The following STX2 variants were observed in gnomAD, a reference collection of about 807,000 sequenced individuals.
STX2 encodes the protein syntaxin 2.
In STX2, 27 loss-of-function variants were observed where a neutral mutation model predicts 40.6. The observed-to-expected ratio is 0.66, with a 90% confidence interval of 0.49 to 0.92. STX2 has a LOEUF of 0.92. Among genes scored for constraint, STX2 ranks in the 40% least tolerant of loss-of-function variants. STX2 has a pLI of 0.00. For missense variants in STX2, 328 were observed against 366.1 expected, an observed-to-expected ratio of 0.90 and a Z score of 0.85; for synonymous variants, 123 against 119.1, an observed-to-expected ratio of 1.03 and a Z score of -0.22.
chr12:130,837,826 C>T (rs983484873), intron 1 of STX2, among the ~76,000 whole-genome samples: 2 of 152,182 alleles, frequency 1.3e-5, no homozygotes, highest in Admixed American at 6.5e-5. Context: ...TGATATTGAT[C>T]TGCGGAACAC....
intron 10 of STX2, among the ~76,000 whole-genome samples, chr12:130,792,749 A>G (rs1343923256): frequency 1.3e-5 from 2 of 152,378 alleles, no homozygotes; most frequent in Non-Finnish European, 1.5e-5. Context: ...TACAGGCATG[A>G]GCCACTGCAC....
At chr12:130,810,555 G>A (rs1377366985) in intron 4 of STX2, 3 of 152,200 alleles carry the variant, frequency 2.0e-5, no homozygotes, top group African/African-American at 7.2e-5. Context: ...AAATGAGCAT[G>A]GGGACTTTTG....
rs114408638 is a variant in STX2, at chr12:130,826,318, G to A, written c.105+875C>T. ...CACCACTTCCTGAAGAACCAAGGAG[G>A]CCTCGTTCTGAGACACTGCCAGTCT... is the stretch of plus-strand genomic sequence containing the variant. On this transcript the variant is annotated intron_variant, in intron 2 of 10. Transcript: ENST00000392373. Among the ~76,000 whole-genome samples, 1,359 of 152,304 alleles carry A rather than the reference G, an allele frequency of 8.9e-3. 17 individuals carry two copies. Among genetic ancestry groups the A allele is most frequent in the African/African-American group, 0.031 (1,299 of 41,562 alleles).
chr12:130,797,715 A>G (rs934026911), intron 9 of STX2, among the ~76,000 whole-genome samples: 2 of 152,218 alleles, frequency 1.3e-5, no homozygotes, highest in African/African-American at 2.4e-5. Flanking sequence ...AAGTTAGGAG[A>G]GTAAGTTTTA....
At chr12:130,803,662 C>A in intron 6 of STX2, among the ~76,000 whole-genome samples, 1 of 55,890 alleles carries the variant, frequency 1.8e-5, no homozygotes, top group Non-Finnish European at 3.3e-5. Flanking sequence ...GTGAGGCTCT[C>A]TCTCAAAAAA....
Position 130,807,083 on chromosome 12 carries a change from A to C in STX2, c.362T>G (p.Val121Gly). ...DLRIRRTQHSVLSRKFVEAMA... is the reference protein window; with the variant it reads ...DLRIRRTQHSGLSRKFVEAMA... ...GGCTTCCACAAACTTCCGAGACAGCACCGAATGCTAACAACACAGGAAAAC... is the reference window on the plus strand; with the variant it reads ...GGCTTCCACAAACTTCCGAGACAGCCCCGAATGCTAACAACACAGGAAAAC... Residue 121 changes from valine to glycine, a missense_variant, in exon 6 of 11, where the codon GTG (valine) becomes GGG (glycine). Transcript: ENST00000392373. 1 of 1,614,174 alleles carries C rather than the reference A, an allele frequency of 6.2e-7. No individual in the cohort carries two copies.
chr12:130,811,786 C>T (rs930420930), intron 4 of STX2, among the ~76,000 whole-genome samples: 1 of 152,114 alleles, frequency 6.6e-6, no homozygotes, highest in Non-Finnish European at 1.5e-5. Flanking sequence ...GTGATCCACC[C>T]GCCTCGGCCT....
At chr12:130,807,249 G>A (rs1432365012) in intron 5 of STX2, among the ~76,000 whole-genome samples, 159 bp from the exon 6 acceptor site, 2 of 152,234 alleles carry the variant, frequency 1.3e-5, no homozygotes, top group Non-Finnish European at 2.9e-5. Context: ...TCTGTGCTAA[G>A]AACTTTGCAT....
At chr12:130,833,261 G>C (rs948961195) in intron 1 of STX2, among the ~76,000 whole-genome samples, 3 of 150,596 alleles carry the variant, frequency 2.0e-5, no homozygotes, top group African/African-American at 7.3e-5. Flanking sequence ...CGGAAACAGA[G>C]ACACACACAC....
Position 130,839,086 on chromosome 12 carries a change from A to G in STX2, c.14T>C (p.Leu5Pro), listed in dbSNP as rs1193559438. 3.6e-5 allele frequency: 48 copies of G among 1,319,710 alleles called. No individual in the cohort carries two copies. The highest frequency in any genetic ancestry group is 4.2e-5 in the Non-Finnish European group (43 of 1,030,642). 81.8% of individuals were successfully genotyped at this position (1,319,710 alleles called of 1,614,324 possible). A position where few individuals can be genotyped will look rare whatever the true frequency, so the allele number is the denominator to read the frequency against. Reference protein sequence around the residue: MRDRLPDLTACRKND... With the variant: MRDRPPDLTACRKND... ...GCCGCTCACCGCCGTCAGGTCTGGC[A>G]GCCGGTCCCGCATCCCCGCCGGCCG... Residue 5 changes from leucine (L) to proline (P), a missense_variant, in exon 1 of 11, where the codon CTG becomes CCG. Coordinates refer to ENST00000392373, the MANE Select transcript of STX2 (RefSeq NM_194356.4).
intron 4 of STX2, among the ~76,000 whole-genome samples, chr12:130,811,690 C>T (rs1034909960): frequency 6.6e-6 from 1 of 151,920 alleles, no homozygotes; most frequent in Non-Finnish European, 1.5e-5. Context: ...CAGGCACCCG[C>T]CACTGCGCCC....
At position 130,802,187 on chromosome 12, in the gene STX2, C is replaced by T. The variant is rs139610719; in HGVS notation, c.464-699G>A. Among the ~76,000 whole-genome samples, 556 of 152,288 alleles carry T rather than the reference C, an allele frequency of 3.7e-3. 1 individual carries two copies. The highest frequency in any genetic ancestry group is 0.013 in the African/African-American group (530 of 41,554). On this transcript the variant is annotated intron_variant, in intron 6 of 10. Transcript: ENST00000392373. ...ACGACTCAGCCACAAAAACAAAGGA[C>T]GCTTTTGGTTTTTGTCGCTTTGTTT...
At chr12:130,803,020 T>C (rs1032385242) in intron 6 of STX2, among the ~76,000 whole-genome samples, 1 of 152,210 alleles carries the variant, frequency 6.6e-6, no homozygotes, top group Non-Finnish European at 1.5e-5. Context: ...TTTAAATTGA[T>C]TGTGTGTGGA....
intron 10 of STX2, among the ~76,000 whole-genome samples, chr12:130,794,165 C>G (rs1301858414): frequency 8.9e-6 from 1 of 111,990 alleles, no homozygotes; most frequent in Non-Finnish European, 2.2e-5. Context: ...GGAAAAAACT[C>G]AGAAAGTACA....
At chr12:130,819,713 T>C (rs1264196992) in intron 3 of STX2, among the ~76,000 whole-genome samples, 1 of 152,236 alleles carries the variant, frequency 6.6e-6, no homozygotes, top group Non-Finnish European at 1.5e-5. Context: ...TAAAAGGTCC[T>C]ACGGGCAAAT....
At chr12:130,813,817 T>C (rs1169771614) in intron 3 of STX2, among the ~76,000 whole-genome samples, 1 of 152,140 alleles carries the variant, frequency 6.6e-6, no homozygotes, top group African/African-American at 2.4e-5. Context: ...TCTCTCTCCT[T>C]TGGGCAGAAG....
At chr12:130,812,717 C>G in intron 4 of STX2, 1 of 389,388 alleles carries the variant, frequency 2.6e-6, no homozygotes, top group Non-Finnish European at 4.6e-6. Context: ...ACTCACCTTC[C>G]CAAACATCTG....
chr12:130,813,859 C>T (rs1287278924), intron 3 of STX2, among the ~76,000 whole-genome samples: 1 of 152,230 alleles, frequency 6.6e-6, no homozygotes, highest in Admixed American at 6.5e-5. Context: ...CGCCCCGTCT[C>T]TGGAGTCCTG....
At chr12:130,812,789 A>G (rs1951708969) in intron 4 of STX2, among the ~76,000 whole-genome samples, 168 bp downstream of exon 4, 1 of 152,162 alleles carries the variant, frequency 6.6e-6, no homozygotes, top group Admixed American at 6.5e-5. Context: ...CAAACACATA[A>G]CCTTTTTGAA....
Sources: allele counts gnomAD v4.1 joint callset (sites outside exome capture counted in the v4.1 genomes callset), GRCh38; gene constraint gnomAD v4.1.1; transcripts MANE v1.5; gene names NCBI Gene and HGNC (gene_info 2026-07-23, HGNC 2026-07-21).